The following CCSER1 variants were observed in gnomAD, a reference collection of about 807,000 sequenced individuals.
The protein encoded by CCSER1 is serine-rich coiled-coil domain-containing protein 1.
Under a neutral mutation model 82.0 loss-of-function variants are expected in CCSER1, and 41 were observed. That is an observed-to-expected ratio of 0.50 (90% CI 0.39 to 0.65). The LOEUF (loss-of-function observed/expected upper bound fraction) is 0.65. CCSER1 is among the 30% of genes least tolerant of loss of function. The probability of loss-of-function intolerance (pLI) is 0.00; values close to 1 mark genes in which losing one functional copy is unlikely to be tolerated. For missense variants in CCSER1, 1,119 were observed against 1,064.2 expected (o/e 1.05, Z -0.72); for synonymous variants, 414 against 383.9 (o/e 1.08, Z -0.92).
chr4:91,496,316 G>C (rs1329335539), intron 10 of CCSER1, among the ~76,000 whole-genome samples: 2 of 150,970 alleles, frequency 1.3e-5, no homozygotes, highest in Non-Finnish European at 3.0e-5. Context: ...CAGCAGATTA[G>C]AATAAATTAA....
intron 9 of CCSER1, among the ~76,000 whole-genome samples, chr4:91,039,262 C>G (rs1179396888): frequency 6.6e-6 from 1 of 151,356 alleles, no homozygotes; most frequent in African/African-American, 2.4e-5. Flanking sequence ...AGGCTGGTCT[C>G]AAACTCTTGT....
At chr4:91,160,942 A>C (rs1034303392) in intron 10 of CCSER1, among the ~76,000 whole-genome samples, 1 of 151,988 alleles carries the variant, frequency 6.6e-6, no homozygotes, top group East Asian at 1.9e-4. Flanking sequence ...TTCTGTTGCC[A>C]TTGCTTTTGG....
intron 8 of CCSER1, among the ~76,000 whole-genome samples, chr4:90,834,717 C>G (rs151311687): frequency 1.3e-5 from 2 of 152,126 alleles, no homozygotes; most frequent in Non-Finnish European, 2.9e-5. Flanking sequence ...CAGACTGTAT[C>G]GTACCTTTTA....
intron 1 of CCSER1, among the ~76,000 whole-genome samples, chr4:90,179,341 A>C (rs1042323085): frequency 6.6e-6 from 1 of 152,188 alleles, no homozygotes; most frequent in East Asian, 1.9e-4. Context: ...ATCTAACTGC[A>C]TGTCCTCATG....
At chr4:91,257,761 T>C (rs1740808757) in intron 10 of CCSER1, among the ~76,000 whole-genome samples, 1 of 152,134 alleles carries the variant, frequency 6.6e-6, no homozygotes, top group Non-Finnish European at 1.5e-5. Context: ...TTCACCTTAG[T>C]ATTAAATGCC....
At chr4:90,347,148 C>G (rs1390703343) in intron 3 of CCSER1, among the ~76,000 whole-genome samples, 5 of 152,032 alleles carry the variant, frequency 3.3e-5, no homozygotes, top group African/African-American at 1.2e-4. Flanking sequence ...TATAGAAGCA[C>G]TACAGAGTAT....
At chr4:91,270,693 C>T (rs1741958446) in intron 10 of CCSER1, among the ~76,000 whole-genome samples, 1 of 152,146 alleles carries the variant, frequency 6.6e-6, no homozygotes, top group East Asian at 1.9e-4. Flanking sequence ...CAAAAGAATT[C>T]AGTTCAAGGC....
rs904019878 is a variant in CCSER1 at position 91,118,572 on chromosome 4, G to T, written c.2217+32578G>T. Among the ~76,000 whole-genome samples the T allele has an allele frequency of 2.6e-5, 4 of 152,140 alleles. No individual in the cohort carries two copies. In the East Asian group the frequency reaches 7.7e-4, roughly 29 times the overall value. ...TTACAAGAATGAGCCACTGTGCCTG[G>T]CTGAGCCTAGTCATGAAGTCTCATT... On this transcript the variant is annotated intron_variant, in intron 10 of 10. Coordinates refer to ENST00000509176, the MANE Select transcript of CCSER1 (RefSeq NM_001145065.2).
chr4:91,316,033 T>C (rs1192913137), intron 10 of CCSER1, among the ~76,000 whole-genome samples: 1 of 151,898 alleles, frequency 6.6e-6, no homozygotes, highest in African/African-American at 2.4e-5. Flanking sequence ...ATAAGTCTCA[T>C]GAGATCTGAT....
intron 6 of CCSER1, among the ~76,000 whole-genome samples, chr4:90,659,038 C>T (rs1447665231): frequency 2.0e-5 from 3 of 148,362 alleles, no homozygotes; most frequent in African/African-American, 7.4e-5. Flanking sequence ...GTGTGCAGTT[C>T]ATCCTTGTAA....
chr4:90,703,821 G>T (rs1470993278), intron 6 of CCSER1, among the ~76,000 whole-genome samples: 2 of 151,884 alleles, frequency 1.3e-5, no homozygotes, highest in Non-Finnish European at 2.9e-5. Flanking sequence ...TTTTCCATTT[G>T]CTTGGTAGAT....
chr4:90,430,579 A>G (rs1245948438), intron 4 of CCSER1, among the ~76,000 whole-genome samples: 1 of 151,930 alleles, frequency 6.6e-6, no homozygotes, highest in Admixed American at 6.6e-5. Flanking sequence ...TAAATATTTT[A>G]GCAGCCACAC....
chr4:90,491,200 G>A (rs1767956616), intron 5 of CCSER1, among the ~76,000 whole-genome samples: 1 of 152,118 alleles, frequency 6.6e-6, no homozygotes, highest in Admixed American at 6.5e-5. Context: ...TCCTTGAGCA[G>A]TGGTTTGAAG....
intron 9 of CCSER1, among the ~76,000 whole-genome samples, chr4:91,002,931 C>CA (rs1236958624): frequency 1.3e-5 from 2 of 152,144 alleles, no homozygotes; most frequent in Admixed American, 1.3e-4. Context: ...TCTTTTGTCC[C>CA]ACGGCATGTT....
intron 1 of CCSER1, among the ~76,000 whole-genome samples, chr4:90,263,735 G>T (rs998140806): frequency 6.6e-6 from 1 of 152,136 alleles, no homozygotes; most frequent in African/African-American, 2.4e-5. Flanking sequence ...AAGTATTCTG[G>T]TTTCTCAGGT....
intron 5 of CCSER1, among the ~76,000 whole-genome samples, chr4:90,478,481 T>C (rs1765402157): frequency 6.6e-6 from 1 of 152,196 alleles, no homozygotes; most frequent in African/African-American, 2.4e-5. Flanking sequence ...AAATTAGGGT[T>C]GTAAACTATT....
chr4:90,818,142 A>G (rs1344390571), intron 8 of CCSER1, among the ~76,000 whole-genome samples: 13 of 152,150 alleles, frequency 8.5e-5, no homozygotes, highest in Admixed American at 8.5e-4. Flanking sequence ...TTTATTCCCA[A>G]TTAGTAATTA....
intron 5 of CCSER1, among the ~76,000 whole-genome samples, chr4:90,552,110 T>C (rs993857474): frequency 6.6e-6 from 1 of 152,186 alleles, no homozygotes; most frequent in Non-Finnish European, 1.5e-5. Flanking sequence ...GGAGAGCTCA[T>C]GGCTTAATTG....
intron 1 of CCSER1, among the ~76,000 whole-genome samples, chr4:90,167,401 T>C (rs999638753): frequency 3.9e-5 from 6 of 152,138 alleles, no homozygotes; most frequent in African/African-American, 1.4e-4. Flanking sequence ...AAAGAAAGAT[T>C]ATCCACACAC....
Sources: allele counts gnomAD v4.1 joint callset (sites outside exome capture counted in the v4.1 genomes callset), GRCh38; gene constraint gnomAD v4.1.1; transcripts MANE v1.5; gene names NCBI Gene and HGNC (gene_info 2026-07-23, HGNC 2026-07-21).